PNOC: variants seen among roughly 807,000 people sequenced by gnomAD.
PNOC encodes prepronociceptin, also known as nociceptin.
In PNOC, 10 loss-of-function variants were observed where a neutral mutation model predicts 15.6. That is an observed-to-expected ratio of 0.64 (90% CI 0.40 to 1.09). The LOEUF (loss-of-function observed/expected upper bound fraction) is 1.09. Among genes scored for constraint, PNOC ranks in the 50% least tolerant of loss-of-function variants. The pLI, the probability that PNOC is intolerant of heterozygous loss-of-function variation, is 0.01. For synonymous variants in PNOC, 98 were observed against 88.5 expected (o/e 1.11, Z -0.60); for missense variants, 220 against 223.9 (o/e 0.98, Z 0.11).
At chr8:28,328,400 C>G (rs1456373143) in intron 1 of PNOC, among the ~76,000 whole-genome samples, 1 of 152,024 alleles carries the variant, frequency 6.6e-6, no homozygotes, top group Non-Finnish European at 1.5e-5. Context: ...CTCTTAATAT[C>G]ATCACGTTGG....
intron 2 of PNOC, among the ~76,000 whole-genome samples, chr8:28,336,256 G>C (rs577716469): frequency 7.9e-5 from 12 of 152,194 alleles, no homozygotes; most frequent in Non-Finnish European, 1.3e-4. Flanking sequence ...AGTAAGATGT[G>C]GTCCCTAACT....
At chr8:28,335,135 C>A (rs1415611535) in intron 2 of PNOC, among the ~76,000 whole-genome samples, 1 of 152,248 alleles carries the variant, frequency 6.6e-6, no homozygotes, top group Non-Finnish European at 1.5e-5. Context: ...TCCTGTCAGA[C>A]CTAGTCCCTG....
intron 1 of PNOC, among the ~76,000 whole-genome samples, chr8:28,318,700 C>T (rs1801099970): frequency 6.6e-6 from 1 of 152,048 alleles, no homozygotes; most frequent in African/African-American, 2.4e-5. Context: ...CCCTGGAAAA[C>T]CCATCCCCAA....
At chr8:28,318,351 TAGCTTCCTC>T (rs1356276528) in intron 1 of PNOC, among the ~76,000 whole-genome samples, 2 of 152,206 alleles carry the variant, frequency 1.3e-5, no homozygotes, top group African/African-American at 4.8e-5. Flanking sequence ...CATCTGTGTT[TAGCTTCCTC>T]AAGCAGCCCA....
In PNOC at chr8:28,335,071, G is replaced by A. The variant is rs569660917; in HGVS notation, c.127-3969G>A. Among the ~76,000 whole-genome samples, 3 of 152,314 alleles carry A rather than the reference G, an allele frequency of 2.0e-5. No homozygotes were observed. The South Asian group carries it at 6.2e-4, about 32-fold the overall frequency. On this transcript the variant is annotated intron_variant, in intron 2 of 3. Coordinates refer to ENST00000301908, the MANE Select transcript of PNOC (RefSeq NM_006228.5). ...CAGTGTCACCTCCTGTGACTAATAG[G>A]TGGACTTGGACAGGTTGCTTCTTGG...
chr8:28,326,054 C>G (rs1054177377), intron 1 of PNOC, among the ~76,000 whole-genome samples: 7 of 152,110 alleles, frequency 4.6e-5, no homozygotes, highest in African/African-American at 1.7e-4. Context: ...AAACCCGTCT[C>G]AAATGTGAGT....
At chr8:28,330,391 A>ATTTTTTTTTTTTTTTTTTTTTTTTTT (rs200641227) in intron 2 of PNOC, among the ~76,000 whole-genome samples, 2 of 76,080 alleles carry the variant, frequency 2.6e-5, no homozygotes, top group Non-Finnish European at 5.8e-5. Flanking sequence ...ATTTTATTTT[A>ATTTTTTTTTTTTTTTTTTTTTTTTTT]TTTTATTTTT....
intron 1 of PNOC, among the ~76,000 whole-genome samples, chr8:28,318,712 C>CTG (rs142743544): frequency 0.011 from 1,620 of 152,318 alleles, 39 homozygotes; most frequent in African/African-American, 0.037. Context: ...CATCCCCAAC[C>CTG]ATCACCACCT....
chr8:28,336,469 A>T (rs907996167), intron 2 of PNOC, among the ~76,000 whole-genome samples: 4 of 152,140 alleles, frequency 2.6e-5, no homozygotes, highest in Non-Finnish European at 5.9e-5. Context: ...AGGTCATTGC[A>T]TCCAAGGGAC....
chr8:28,320,866 A>AAG (rs1554516688), intron 1 of PNOC, among the ~76,000 whole-genome samples: 3 of 151,966 alleles, frequency 2.0e-5, no homozygotes, highest in African/African-American at 4.8e-5. Flanking sequence ...AAAAAAAAAA[A>AAG]AAGAAGAAGA....
intron 1 of PNOC, among the ~76,000 whole-genome samples, chr8:28,320,576 C>T (rs578038996): frequency 2.0e-5 from 3 of 152,090 alleles, no homozygotes; most frequent in Non-Finnish European, 4.4e-5. Flanking sequence ...TTTGGCCGGG[C>T]GCAGTGGCTC....
chr8:28,333,537 T>A (rs146721477), intron 2 of PNOC, among the ~76,000 whole-genome samples: 1 of 152,292 alleles, frequency 6.6e-6, no homozygotes, highest in Non-Finnish European at 1.5e-5. Flanking sequence ...GAATTTAGCT[T>A]CCTCCTATTT....
intron 2 of PNOC, among the ~76,000 whole-genome samples, chr8:28,329,723 T>C (rs1011570009): frequency 2.6e-5 from 4 of 152,158 alleles, no homozygotes; most frequent in African/African-American, 9.7e-5. Flanking sequence ...GCCCTTGGTA[T>C]CTACTGGTTT....
intron 1 of PNOC, among the ~76,000 whole-genome samples, chr8:28,319,747 T>C (rs1403384727): frequency 6.6e-6 from 1 of 152,130 alleles, no homozygotes; most frequent in East Asian, 1.9e-4. Flanking sequence ...CTTTGAAATA[T>C]CTTGCATTCC....
At chr8:28,328,525 G>A (rs1384043073) in intron 1 of PNOC, among the ~76,000 whole-genome samples, 2 of 152,148 alleles carry the variant, frequency 1.3e-5, no homozygotes, top group African/African-American at 2.4e-5. Context: ...GGGTATGGGG[G>A]GTTGGGGGCA....
chr8:28,324,637 G>A (rs1460978586), intron 1 of PNOC, among the ~76,000 whole-genome samples: 2 of 152,216 alleles, frequency 1.3e-5, no homozygotes, highest in Admixed American at 1.3e-4. Context: ...GCCGAAGCGG[G>A]AGGATCACCT....
chr8:28,320,903 A>G (rs1463618940), intron 1 of PNOC, among the ~76,000 whole-genome samples: 2 of 151,660 alleles, frequency 1.3e-5, no homozygotes, highest in Admixed American at 6.6e-5. Flanking sequence ...TCCTAGATTC[A>G]TTGCTGTTTC....
At chr8:28,318,482 G>A (rs1220003349) in intron 1 of PNOC, among the ~76,000 whole-genome samples, 1 of 152,254 alleles carries the variant, frequency 6.6e-6, no homozygotes, top group Non-Finnish European at 1.5e-5. Flanking sequence ...GATGGGAAAA[G>A]TAACTGCCTG....
chr8:28,338,970 T>G lies in PNOC; in HGVS notation c.127-70T>G, dbSNP rs951889376. 1.4e-5 allele frequency: 19 copies of G among 1,374,396 alleles called. No homozygotes were observed. The Admixed American group carries it at 4.0e-4, about 29-fold the overall frequency. 85.1% of individuals were successfully genotyped at this position (1,374,396 alleles called of 1,614,324 possible). A position where few individuals can be genotyped will look rare whatever the true frequency, so the allele number is the denominator to read the frequency against. On this transcript the variant is annotated intron_variant, in intron 2 of 3. Transcript: ENST00000301908. ...ACTTGCACTGGTGCAGTGGGCCAGA[T>G]CTCCTCCCTCGCCCTGGATTAACAG...
Sources: gnomAD v4.1 joint callset for allele counts (sites outside exome capture counted in the v4.1 genomes callset) on GRCh38, gnomAD v4.1.1 for gene constraint, MANE v1.5 for transcripts, NCBI Gene and HGNC (gene_info 2026-07-23, HGNC 2026-07-21) for gene names.